LRP1B: variants seen among roughly 807,000 people sequenced by gnomAD.
The protein encoded by LRP1B is low-density lipoprotein receptor-related protein 1B.
In LRP1B, 217 loss-of-function variants were observed where a neutral mutation model predicts 556.6. That is an observed-to-expected ratio of 0.39 (90% confidence interval 0.35 to 0.44). The LOEUF (loss-of-function observed/expected upper bound fraction) is 0.44. Among genes scored for constraint, LRP1B ranks in the 20% least tolerant of loss-of-function variants. The probability of loss-of-function intolerance (pLI) is 1.00; values close to 1 mark genes in which losing one functional copy is unlikely to be tolerated. For missense variants in LRP1B, 5,053 were observed against 5,620.8 expected, an observed-to-expected ratio of 0.90 and a Z score of 3.23; for synonymous variants, 2,047 against 1,865.8, an observed-to-expected ratio of 1.10 and a Z score of -2.50.
intron 35 of LRP1B, among the ~76,000 whole-genome samples, chr2:140,727,968 T>G (rs1687651551): frequency 6.6e-6 from 1 of 152,164 alleles, no homozygotes; most frequent in Non-Finnish European, 1.5e-5. Context: ...AATTCCAACC[T>G]TGTAAGTAAA....
intron 1 of LRP1B, among the ~76,000 whole-genome samples, chr2:142,107,890 C>T (rs1056723120): frequency 2.7e-5 from 4 of 149,932 alleles, no homozygotes; most frequent in African/African-American, 4.9e-5. Context: ...AAGTGATCCG[C>T]CCACCTCGGC....
chr2:141,497,076 G>A (rs183310313), intron 2 of LRP1B, among the ~76,000 whole-genome samples: 120 of 151,738 alleles, frequency 7.9e-4, no homozygotes, highest in Non-Finnish European at 9.4e-4. Flanking sequence ...GAAAAACAAA[G>A]GCAGAAGACC....
chr2:141,765,297 G>T (rs1029119304), intron 2 of LRP1B, among the ~76,000 whole-genome samples: 2 of 152,088 alleles, frequency 1.3e-5, no homozygotes, highest in African/African-American at 2.4e-5. Context: ...AGAGCTAAAA[G>T]CAGAATTATA....
At chr2:140,370,639 C>G (rs1359484923) in intron 71 of LRP1B, 71 bp downstream of exon 71, 1 of 1,572,042 alleles carries the variant, frequency 6.4e-7, no homozygotes, top group Non-Finnish European at 8.7e-7. Flanking sequence ...CTAGCATACA[C>G]TGTATATTCT....
intron 2 of LRP1B, among the ~76,000 whole-genome samples, chr2:141,525,956 G>A (rs1356493635): frequency 6.6e-6 from 1 of 151,964 alleles, no homozygotes. Context: ...GAATCTGCCA[G>A]CCCTAATACT....
intron 52 of LRP1B, among the ~76,000 whole-genome samples, chr2:140,509,093 C>A (rs1229631690): frequency 6.6e-6 from 1 of 151,244 alleles, no homozygotes; most frequent in Non-Finnish European, 1.5e-5. Flanking sequence ...AACACACACA[C>A]ACACACACAC....
intron 3 of LRP1B, among the ~76,000 whole-genome samples, chr2:141,256,769 C>T (rs2105344493): frequency 6.6e-6 from 1 of 151,922 alleles, no homozygotes; most frequent in South Asian, 2.1e-4. Flanking sequence ...ATATTGACAA[C>T]ATAATAGCCA....
chr2:140,279,088 A>C, intron 84 of LRP1B, among the ~76,000 whole-genome samples: 1 of 150,474 alleles, frequency 6.6e-6, no homozygotes, highest in African/African-American at 2.4e-5. Flanking sequence ...TTCCCTCTCC[A>C]CTCTCTCTCT....
chr2:141,978,793 T>A (rs1701961879), intron 1 of LRP1B, among the ~76,000 whole-genome samples: 1 of 152,094 alleles, frequency 6.6e-6, no homozygotes, highest in African/African-American at 2.4e-5. Context: ...TGTCCATTAC[T>A]ATAGGTTTGT....
intron 18 of LRP1B, among the ~76,000 whole-genome samples, chr2:140,971,915 T>C (rs982241644): frequency 2.0e-5 from 3 of 152,112 alleles, no homozygotes; most frequent in Admixed American, 1.3e-4. Flanking sequence ...TGAATGAAAA[T>C]CTTTGAGGGA....
intron 1 of LRP1B, among the ~76,000 whole-genome samples, chr2:141,820,248 G>A (rs567120404): frequency 6.6e-6 from 1 of 152,220 alleles, no homozygotes; most frequent in South Asian, 2.1e-4. Context: ...TTTTGCAAAA[G>A]ATAATTCCTT....
intron 23 of LRP1B, among the ~76,000 whole-genome samples, chr2:140,891,117 T>A: frequency 6.6e-6 from 1 of 151,688 alleles, no homozygotes; most frequent in Non-Finnish European, 1.5e-5. Context: ...TTATAAGAGA[T>A]GAGATATGTA....
chr2:140,373,392 C>T (rs1683078800), intron 68 of LRP1B, among the ~76,000 whole-genome samples: 1 of 151,970 alleles, frequency 6.6e-6, no homozygotes, highest in Admixed American at 6.6e-5. Context: ...ATAAAAGTGG[C>T]TCAGATGCTA....
chr2:141,965,001 A>C (rs1316812615), intron 1 of LRP1B, among the ~76,000 whole-genome samples: 9 of 145,974 alleles, frequency 6.2e-5, no homozygotes, highest in Non-Finnish European at 1.2e-4. Flanking sequence ...AAAAATGCTC[A>C]TCATCACTGG....
At chr2:141,109,344 T>G (rs935944135) in intron 7 of LRP1B, among the ~76,000 whole-genome samples, 1 of 152,176 alleles carries the variant, frequency 6.6e-6, no homozygotes, top group African/African-American at 2.4e-5. Context: ...AATTCCCCTT[T>G]CTTAATAAAT....
chr2:141,506,630 A>C (rs1683942803), intron 2 of LRP1B, among the ~76,000 whole-genome samples: 1 of 152,066 alleles, frequency 6.6e-6, no homozygotes, highest in African/African-American at 2.4e-5. Context: ...CTAGCCAGAC[A>C]ATTTTTATAA....
intron 3 of LRP1B, among the ~76,000 whole-genome samples, chr2:141,321,915 T>C (rs901479292): frequency 2.0e-5 from 3 of 152,072 alleles, no homozygotes; most frequent in African/African-American, 7.2e-5. Context: ...AGTGACTTGT[T>C]CAAAGCCAAG....
chr2:140,416,612 T>C (rs1455899208), intron 66 of LRP1B, among the ~76,000 whole-genome samples: 1 of 151,878 alleles, frequency 6.6e-6, no homozygotes, highest in African/African-American at 2.4e-5. Context: ...GACGTGATCA[T>C]GCACTGCACT....
chr2:142,074,202 T>C (rs1007722976), intron 1 of LRP1B, among the ~76,000 whole-genome samples: 1 of 152,040 alleles, frequency 6.6e-6, no homozygotes, highest in East Asian at 1.9e-4. Flanking sequence ...CGCTGAAGTC[T>C]CTCTCCCCAA....
Sources: allele counts gnomAD v4.1 joint callset (sites outside exome capture counted in the v4.1 genomes callset), GRCh38; gene constraint gnomAD v4.1.1; transcripts MANE v1.5; gene names NCBI Gene and HGNC (gene_info 2026-07-23, HGNC 2026-07-21).